ADCY9: variants seen among roughly 807,000 people sequenced by gnomAD.
ADCY9 encodes the protein adenylate cyclase type 9.
ADCY9 carries 50 observed loss-of-function variants against 101.5 expected under a neutral mutation model. The ratio of observed to expected loss-of-function variants is 0.49; its 90% CI spans 0.39 to 0.62. The LOEUF is 0.62. Among genes scored for constraint, ADCY9 ranks in the 20% least tolerant of loss-of-function variants. ADCY9 has a pLI of 0.00. For missense variants in ADCY9, 1,662 were observed against 1,800.4 expected, an observed-to-expected ratio of 0.92 and a Z score of 1.39; for synonymous variants, 905 against 769.3, an observed-to-expected ratio of 1.18 and a Z score of -2.92.
chr16:3,972,815 T>C (rs1184911108), intron 10 of ADCY9, among the ~76,000 whole-genome samples: 4 of 152,046 alleles, frequency 2.6e-5, no homozygotes, highest in African/African-American at 7.2e-5. Context: ...GGGGTAGTGG[T>C]AATGCTCTAC....
chr16:3,991,142 A>G (rs1328497409), intron 5 of ADCY9, among the ~76,000 whole-genome samples: 1 of 152,206 alleles, frequency 6.6e-6, no homozygotes. Context: ...CAGAGGCAAG[A>G]ATCATCAATG....
intron 2 of ADCY9, among the ~76,000 whole-genome samples, chr16:4,104,992 C>T (rs1335306354): frequency 2.6e-5 from 4 of 151,824 alleles, no homozygotes; most frequent in Admixed American, 2.0e-4. Flanking sequence ...TCGCTTGAAC[C>T]CAGGAGGCAG....
At chr16:4,100,188 TC>T (rs1162318921) in intron 2 of ADCY9, among the ~76,000 whole-genome samples, 1 of 152,128 alleles carries the variant, frequency 6.6e-6, no homozygotes, top group Non-Finnish European at 1.5e-5. Context: ...TCTCTCTCTC[TC>T]CTGACACCAT....
At chr16:4,024,600 G>A (rs916338260) in intron 2 of ADCY9, among the ~76,000 whole-genome samples, 6 of 152,056 alleles carry the variant, frequency 3.9e-5, no homozygotes, top group Non-Finnish European at 8.8e-5. Flanking sequence ...GCTCTGGGTG[G>A]CGAATGGCTC....
intron 7 of ADCY9, among the ~76,000 whole-genome samples, chr16:3,981,596 CTTTT>C (rs920294131): frequency 2.6e-5 from 4 of 151,828 alleles, no homozygotes; most frequent in Admixed American, 2.0e-4. Context: ...AGCAGATCTT[CTTTT>C]TTTTCTTTTT....
intron 3 of ADCY9, among the ~76,000 whole-genome samples, chr16:4,004,678 T>A (rs1010529036): frequency 4.6e-5 from 7 of 152,236 alleles, no homozygotes; most frequent in Admixed American, 4.6e-4. Flanking sequence ...AGTCTCTGAA[T>A]GCAAAGAGCT....
chr16:4,057,044 C>G (rs1419963304), intron 2 of ADCY9, among the ~76,000 whole-genome samples: 3 of 141,226 alleles, frequency 2.1e-5, no homozygotes, highest in Non-Finnish European at 4.6e-5. Flanking sequence ...AACCGCCCCC[C>G]CCCCCCCCGC....
At chr16:4,023,348 T>C (rs1004443901) in intron 2 of ADCY9, among the ~76,000 whole-genome samples, 2 of 152,128 alleles carry the variant, frequency 1.3e-5, no homozygotes, top group African/African-American at 2.4e-5. Context: ...CTTCCTGCAA[T>C]AGAGAATACC....
intron 2 of ADCY9, among the ~76,000 whole-genome samples, chr16:4,013,812 T>C (rs1177628783): frequency 6.6e-6 from 1 of 152,264 alleles, no homozygotes; most frequent in Non-Finnish European, 1.5e-5. Flanking sequence ...CTATTCTTTC[T>C]GCGTAAGAAG....
At chr16:4,091,133 G>A (rs2056971042) in intron 2 of ADCY9, among the ~76,000 whole-genome samples, 1 of 152,054 alleles carries the variant, frequency 6.6e-6, no homozygotes. Context: ...GAGCGCAGTG[G>A]CATGACCTCG....
chr16:4,110,247 G>A (rs1280186480), intron 2 of ADCY9, among the ~76,000 whole-genome samples: 1 of 152,240 alleles, frequency 6.6e-6, no homozygotes, highest in Admixed American at 6.5e-5. Context: ...GCCGGTGGCA[G>A]GAAAGAAAAC....
intron 2 of ADCY9, among the ~76,000 whole-genome samples, chr16:4,101,933 C>G (rs192690458): frequency 6.6e-6 from 1 of 152,094 alleles, no homozygotes; most frequent in African/African-American, 2.4e-5. Context: ...CTGCCAAGTT[C>G]GGCAGCTAGA....
intron 2 of ADCY9, among the ~76,000 whole-genome samples, chr16:4,106,159 C>CA (rs1405357695): frequency 1.4e-4 from 22 of 152,154 alleles, no homozygotes; most frequent in African/African-American, 5.3e-4. Flanking sequence ...GAAAATGAGA[C>CA]AAAAAACCTG....
intron 7 of ADCY9, 48 bp from the exon 8 acceptor site, chr16:3,979,323 T>C: frequency 6.2e-7 from 1 of 1,603,356 alleles, no homozygotes; most frequent in Non-Finnish European, 8.5e-7. Context: ...CCGGGGTGGG[T>C]CATCGGCCAG....
At chr16:4,043,491 T>C (rs1426758689) in intron 2 of ADCY9, among the ~76,000 whole-genome samples, 2 of 151,340 alleles carry the variant, frequency 1.3e-5, no homozygotes, top group Non-Finnish European at 2.9e-5. Context: ...CTGGCCAACA[T>C]GGTGAAACCC....
At chr16:3,988,652 G>T (rs1411702193) in intron 6 of ADCY9, among the ~76,000 whole-genome samples, 1 of 132,546 alleles carries the variant, frequency 7.5e-6, no homozygotes, top group African/African-American at 2.8e-5. Context: ...AGGCAGGTGG[G>T]GGGGTTTCCT....
chr16:3,974,839 T>A, intron 9 of ADCY9, 129 bp from the exon 10 acceptor site: 1 of 669,318 alleles, frequency 1.5e-6, no homozygotes, highest in Non-Finnish European at 2.7e-6. Flanking sequence ...TAAAGCCACC[T>A]GCTCCCACCT....
intron 10 of ADCY9, among the ~76,000 whole-genome samples, chr16:3,969,613 T>TATATGTA (rs1491520639): frequency 1.2e-5 from 1 of 81,036 alleles, no homozygotes; most frequent in Non-Finnish European, 2.2e-5. Flanking sequence ...TATATATGTA[T>TATATGTA]TTTTTTTTTT....
chr16:4,046,463 T>G (rs1254297353), intron 2 of ADCY9, among the ~76,000 whole-genome samples: 1 of 152,178 alleles, frequency 6.6e-6, no homozygotes, highest in Non-Finnish European at 1.5e-5. Flanking sequence ...TCCTAAGCAC[T>G]GATGACAAAT....
Sources: gnomAD v4.1 joint callset for allele counts (sites outside exome capture counted in the v4.1 genomes callset) on GRCh38, gnomAD v4.1.1 for gene constraint, MANE v1.5 for transcripts, NCBI Gene and HGNC (gene_info 2026-07-23, HGNC 2026-07-21) for gene names.